Variants in TTC7B observed in about 807,000 individuals in gnomAD.
The protein encoded by TTC7B is tetratricopeptide repeat protein 7B.
TTC7B carries 28 observed loss-of-function variants against 106.8 expected under a neutral mutation model. The observed-to-expected ratio is 0.26, with a 90% CI of 0.19 to 0.36. TTC7B has a LOEUF of 0.36. Among genes scored for constraint, TTC7B ranks in the 10% least tolerant of loss-of-function variants. The probability of loss-of-function intolerance (pLI) is 1.00; values close to 1 mark genes in which losing one functional copy is unlikely to be tolerated. For missense variants in TTC7B, 862 were observed against 1,076.4 expected (o/e 0.80, Z 2.79); for synonymous variants, 405 against 430.6 (o/e 0.94, Z 0.74).
In TTC7B at chr14:90,577,990, C is replaced by G. The variant is rs1595173490; in HGVS notation, c.2310+116G>C. On this transcript the variant is annotated intron_variant, in intron 19 of 19. Transcript: ENST00000328459. This position sits in a 1 kb window ranked among gnomAD's most constrained non-coding sequence, Gnocchi z 5.0. ...TCAGGCCATGTGACAGCCTGGCAAG[C>G]TAACTGCATGGGGCCTTTGGAAGCA... 2 of 1,292,534 alleles carry G rather than the reference C, an allele frequency of 1.5e-6. No homozygotes were observed. Among genetic ancestry groups the G allele is most frequent in the Non-Finnish European group, 2.1e-6 (2 of 938,928 alleles). 80.1% of individuals were successfully genotyped at this position (1,292,534 alleles called of 1,614,324 possible).
chr14:90,599,671 GC>G (rs1447998522), intron 17 of TTC7B, among the ~76,000 whole-genome samples: 2 of 152,160 alleles, frequency 1.3e-5, no homozygotes, highest in Non-Finnish European at 2.9e-5. Context: ...GCAGACACCT[GC>G]CCTCCCCACA....
Position 90,689,574 on chromosome 14 carries a change from G to T in TTC7B, c.916C>A (p.Leu306Ile), listed in dbSNP as rs1010615036. ...GAGTAGACACGGGCTCTCCGAGTGAGAGTGTAGGTTTTTGTGTTTGCTCCT... is the reference window on the plus strand; with the variant it reads ...GAGTAGACACGGGCTCTCCGAGTGATAGTGTAGGTTTTTGTGTTTGCTCCT... Reference protein sequence around the residue: ...RKGANTKTYTLTRRARVYSGE... With the variant: ...RKGANTKTYTITRRARVYSGE... Residue 306 changes from leucine (L) to isoleucine (I), a missense_variant, in exon 7 of 20, where the codon CTC becomes ATC. Physicochemically the swap from Leu to Ile is conservative, Grantham distance 5 (BLOSUM62 2). Coordinates refer to ENST00000328459, the MANE Select transcript of TTC7B (RefSeq NM_001010854.2). 3.1e-6 allele frequency: 5 copies of T among 1,614,002 alleles called. No homozygotes were observed. Among genetic ancestry groups the T allele is most frequent in the African/African-American group, 1.3e-5 (1 of 74,938 alleles).
At position 90,575,261 on chromosome 14, in the gene TTC7B, A is replaced by T. The variant is rs894220877; in HGVS notation, c.2310+2845T>A. ...TGGGTTTAATCTGTCTGCATGTTGTATTGGCGCGGTTATCCTCATTTATAT... is the reference window on the plus strand; with the variant it reads ...TGGGTTTAATCTGTCTGCATGTTGTTTTGGCGCGGTTATCCTCATTTATAT... On this transcript the variant is annotated intron_variant, in intron 19 of 19. Coordinates refer to ENST00000328459, the MANE Select transcript of TTC7B (RefSeq NM_001010854.2). This position sits in a 1 kb window ranked among gnomAD's most constrained non-coding sequence, Gnocchi z 5.2. Among the ~76,000 whole-genome samples the T allele has an allele frequency of 2.0e-5, 3 of 152,222 alleles. No individual in the cohort carries two copies. The highest frequency in any genetic ancestry group is 6.5e-5 in the Admixed American group (1 of 15,292).
chr14:90,663,114 G>T lies in TTC7B; in HGVS notation c.1153-4727C>A, dbSNP rs1407039629. ...CTATTTTAATTACTTTACAAGCATC[G>T]CCTCATCGGGTGACCCTAAGGACCC... is the stretch of plus-strand genomic sequence containing the variant. On this transcript the variant is annotated intron_variant, in intron 9 of 19. Transcript: ENST00000328459. This position sits in a 1 kb window ranked among gnomAD's most constrained non-coding sequence, Gnocchi z 4.5. Among the ~76,000 whole-genome samples the T allele has an allele frequency of 2.0e-5, 3 of 152,164 alleles. No homozygotes were observed. The highest frequency in any genetic ancestry group is 2.9e-5 in the Non-Finnish European group (2 of 68,036).
At chr14:90,541,640 G>T in intron 19 of TTC7B, 51 bp from the exon 20 acceptor site, 2 of 1,411,526 alleles carry the variant, frequency 1.4e-6, no homozygotes, top group Non-Finnish European at 1.9e-6. Flanking sequence ...GGCTTCAGGA[G>T]CTCTGCATCC....
intron 17 of TTC7B, 177 bp from the exon 18 acceptor site, chr14:90,593,803 T>C (rs1044667236): frequency 1.3e-5 from 7 of 526,736 alleles, no homozygotes; most frequent in Non-Finnish European, 6.2e-6. Flanking sequence ...GTTTCCATCC[T>C]TGGGCTTTAG....
At chr14:90,652,187 C>T (rs1021743499) in intron 13 of TTC7B, among the ~76,000 whole-genome samples, 1 of 152,188 alleles carries the variant, frequency 6.6e-6, no homozygotes, top group Non-Finnish European at 1.5e-5. Context: ...GTAACTCCTG[C>T]GCCTCAGTCC....
At chr14:90,687,020 A>ATTTTATTTTTTTT in intron 7 of TTC7B, among the ~76,000 whole-genome samples, 1 of 151,728 alleles carries the variant, frequency 6.6e-6, no homozygotes, top group African/African-American at 2.4e-5. Context: ...AAAATGGACA[A>ATTTTATTTTTTTT]GCTAAAATTC....
chr14:90,588,693 G>T (rs1891823001), intron 18 of TTC7B, among the ~76,000 whole-genome samples: 1 of 152,086 alleles, frequency 6.6e-6, no homozygotes, highest in Non-Finnish European at 1.5e-5. Context: ...TTGTAAAAAT[G>T]GAGAAAATAA....
intron 6 of TTC7B, among the ~76,000 whole-genome samples, chr14:90,691,260 G>T (rs1487928411): frequency 6.6e-6 from 1 of 152,054 alleles, no homozygotes; most frequent in Admixed American, 6.5e-5. Context: ...AAAAATTTCT[G>T]CCCTAAACAG....
chr14:90,718,791 A>G (rs1888758474), intron 5 of TTC7B, among the ~76,000 whole-genome samples: 1 of 133,524 alleles, frequency 7.5e-6, no homozygotes, highest in African/African-American at 2.8e-5. Flanking sequence ...ATGCACAACT[A>G]TACACCAGAC....
intron 19 of TTC7B, among the ~76,000 whole-genome samples, chr14:90,548,788 C>T (rs1284791831): frequency 1.3e-5 from 2 of 152,166 alleles, no homozygotes; most frequent in Non-Finnish European, 2.9e-5. Context: ...TGGTCCAGGG[C>T]CTGTGCTCTG....
intron 19 of TTC7B, among the ~76,000 whole-genome samples, chr14:90,565,571 T>G (rs1890759586): frequency 6.6e-6 from 1 of 151,792 alleles, no homozygotes; most frequent in African/African-American, 2.4e-5. Flanking sequence ...CCGGCTAATT[T>G]TTGTATTTTT....
intron 18 of TTC7B, among the ~76,000 whole-genome samples, chr14:90,591,137 C>T (rs527242576): frequency 9.2e-5 from 14 of 152,228 alleles, no homozygotes; most frequent in South Asian, 8.3e-4. Flanking sequence ...GTCAGGAGTT[C>T]GAGACCAAGC....
At chr14:90,794,595 G>C (rs974509206) in intron 1 of TTC7B, among the ~76,000 whole-genome samples, 1 of 152,144 alleles carries the variant, frequency 6.6e-6, no homozygotes, top group African/African-American at 2.4e-5. Flanking sequence ...ACCGTCAGGG[G>C]AGTTTCCTGC....
Position 90,757,756 on chromosome 14 carries a change from A to C in TTC7B, c.446-12834T>G, listed in dbSNP as rs1890351382. Among the ~76,000 whole-genome samples the C allele has an allele frequency of 6.6e-6, 1 of 152,166 alleles. No individual in the cohort carries two copies. Among genetic ancestry groups the C allele is most frequent in the Admixed American group, 6.5e-5 (1 of 15,282 alleles). On this transcript the variant is annotated intron_variant, in intron 3 of 19. Coordinates refer to ENST00000328459, the MANE Select transcript of TTC7B (RefSeq NM_001010854.2). This position sits in a 1 kb window ranked among gnomAD's most constrained non-coding sequence, Gnocchi z 4.1. Reference sequence around the variant, plus strand: ...ATTAGCAAATATCCAATTCATAAAGACTGGGATTAGATCTCACTTGAAGAC... The same window carrying C: ...ATTAGCAAATATCCAATTCATAAAGCCTGGGATTAGATCTCACTTGAAGAC...
intron 1 of TTC7B, 26 bp downstream of exon 1, chr14:90,816,149 C>A: frequency 8.4e-7 from 1 of 1,188,210 alleles, no homozygotes; most frequent in Non-Finnish European, 1.1e-6. Flanking sequence ...CCCCCCGCAG[C>A]CCAGGCCGGC....
intron 18 of TTC7B, among the ~76,000 whole-genome samples, chr14:90,586,236 C>G (rs1891707743): frequency 6.6e-6 from 1 of 152,230 alleles, no homozygotes; most frequent in African/African-American, 2.4e-5. Flanking sequence ...CGACCACTCC[C>G]CTTCAGATGC....
chr14:90,711,163 T>TAAAA (rs1206303546), intron 5 of TTC7B, among the ~76,000 whole-genome samples: 2 of 152,190 alleles, frequency 1.3e-5, no homozygotes, highest in African/African-American at 4.8e-5. Context: ...AATAAACTAA[T>TAAAA]AAAAGCACCA....
Sources: allele counts gnomAD v4.1 joint callset (sites outside exome capture counted in the v4.1 genomes callset), GRCh38; gene constraint gnomAD v4.1.1; non-coding constraint Gnocchi (gnomAD v3.1); transcripts MANE v1.5; gene names NCBI Gene and HGNC (gene_info 2026-07-23, HGNC 2026-07-21).